RYR3: variants seen among roughly 807,000 people sequenced by gnomAD.
RYR3 encodes brain ryanodine receptor-calcium release channel.
In RYR3, 207 loss-of-function variants were observed where a neutral mutation model predicts 584.3. The ratio of observed to expected loss-of-function variants is 0.35; its 90% CI spans 0.32 to 0.40. The LOEUF (loss-of-function observed/expected upper bound fraction) is 0.40. Among genes scored for constraint, RYR3 ranks in the 10% least tolerant of loss-of-function variants. The pLI is 1.00. For missense variants in RYR3, 5,616 were observed against 6,089.2 expected (o/e 0.92, Z 2.59); for synonymous variants, 2,416 against 2,248.5 (o/e 1.07, Z -2.11).
intron 64 of RYR3, among the ~76,000 whole-genome samples, chr15:33,774,742 T>A (rs1390743111): frequency 6.6e-6 from 1 of 152,228 alleles, no homozygotes; most frequent in East Asian, 1.9e-4. Context: ...TTCCTTACTG[T>A]TTTACATAAA....
chr15:33,420,027 G>T (rs767210496), intron 1 of RYR3, among the ~76,000 whole-genome samples: 1 of 152,162 alleles, frequency 6.6e-6, no homozygotes, highest in Non-Finnish European at 1.5e-5. Flanking sequence ...CTCTCCACCA[G>T]CAGAATTAAA....
chr15:33,567,151 T>A (rs1043679280), intron 12 of RYR3, among the ~76,000 whole-genome samples: 2 of 152,160 alleles, frequency 1.3e-5, no homozygotes, highest in Non-Finnish European at 2.9e-5. Context: ...CACTCCCCCA[T>A]GTGTTATGTA....
intron 1 of RYR3, among the ~76,000 whole-genome samples, chr15:33,346,162 G>C (rs1246590261): frequency 6.6e-6 from 1 of 152,176 alleles, no homozygotes; most frequent in Non-Finnish European, 1.5e-5. Flanking sequence ...AGAGGTGACA[G>C]GTGATTCTTG....
At chr15:33,765,645 A>G (rs1422516009) in intron 60 of RYR3, among the ~76,000 whole-genome samples, 2 of 151,304 alleles carry the variant, frequency 1.3e-5, no homozygotes, top group African/African-American at 4.8e-5. Context: ...AAAAAAAAAA[A>G]AAAAAAAAAA....
At chr15:33,765,024 T>C (rs1283025774) in intron 60 of RYR3, among the ~76,000 whole-genome samples, 44 of 76,418 alleles carry the variant, frequency 5.8e-4, no homozygotes, top group Non-Finnish European at 8.4e-4. Context: ...GAGCAAGACT[T>C]CGTCTCAAAA....
intron 1 of RYR3, among the ~76,000 whole-genome samples, chr15:33,313,986 G>A (rs958105588): frequency 1.3e-5 from 2 of 152,194 alleles, no homozygotes; most frequent in African/African-American, 4.8e-5. Context: ...TGTGTGTGGT[G>A]TGGCTTTAGA....
intron 2 of RYR3, among the ~76,000 whole-genome samples, chr15:33,495,391 A>T (rs767814792): frequency 3.9e-5 from 6 of 152,196 alleles, no homozygotes; most frequent in Non-Finnish European, 1.5e-5. Flanking sequence ...TGTTCATCCC[A>T]GCGGTGTGAT....
At chr15:33,700,738 T>C (rs16957612) in intron 41 of RYR3, among the ~76,000 whole-genome samples, 2,106 of 152,278 alleles carry the variant, frequency 0.014, 52 homozygotes, top group African/African-American at 0.048. Context: ...ATGGTCCCGG[T>C]TGGTAGTGTG....
chr15:33,596,399 C>G (rs2059370826), intron 16 of RYR3, among the ~76,000 whole-genome samples: 1 of 150,420 alleles, frequency 6.6e-6, no homozygotes, highest in Non-Finnish European at 1.5e-5. Flanking sequence ...AAAACTGTGA[C>G]AGTCATTATT....
At chr15:33,747,376 CTTTTTTT>C (rs34350928) in intron 53 of RYR3, among the ~76,000 whole-genome samples, 2 of 95,080 alleles carry the variant, frequency 2.1e-5, no homozygotes. Flanking sequence ...AAAGAGAAAT[CTTTTTTT>C]TTTTTTTTTT....
chr15:33,660,149 T>G (rs1002007355), intron 33 of RYR3, 48 bp from the exon 34 acceptor site: 1 of 1,333,136 alleles, frequency 7.5e-7, no homozygotes, highest in African/African-American at 1.5e-5. Context: ...GGGTGCGTCA[T>G]CCAGCAACTG....
chr15:33,773,649 G>T, intron 64 of RYR3, 34 bp downstream of exon 64: 1 of 1,390,702 alleles, frequency 7.2e-7, no homozygotes, highest in South Asian at 1.2e-5. Context: ...ACACTTTCAG[G>T]CATAGTAAAA....
At chr15:33,462,900 C>T (rs1244139687) in intron 1 of RYR3, among the ~76,000 whole-genome samples, 1 of 152,060 alleles carries the variant, frequency 6.6e-6, no homozygotes, top group East Asian at 1.9e-4. Flanking sequence ...AGGTTCAGGT[C>T]AGGTGTGGTG....
intron 27 of RYR3, among the ~76,000 whole-genome samples, chr15:33,640,332 C>T (rs560989847): frequency 5.3e-5 from 8 of 152,266 alleles, no homozygotes; most frequent in African/African-American, 1.9e-4. Context: ...TTCTACAAGG[C>T]TTGTGACCAT....
chr15:33,511,193 T>TGA (rs1425858110), intron 3 of RYR3, among the ~76,000 whole-genome samples: 1 of 152,136 alleles, frequency 6.6e-6, no homozygotes, highest in African/African-American at 2.4e-5. Context: ...CATTGCTTGC[T>TGA]TATAGTTTGT....
intron 38 of RYR3, among the ~76,000 whole-genome samples, 181 bp from the exon 39 acceptor site, chr15:33,696,037 C>A (rs1177047027): frequency 6.8e-6 from 1 of 146,196 alleles, no homozygotes; most frequent in Non-Finnish European, 1.5e-5. Flanking sequence ...TCAAGAAATC[C>A]TTCAGCCTCA....
intron 1 of RYR3, among the ~76,000 whole-genome samples, chr15:33,441,304 C>T (rs2046212519): frequency 1.3e-5 from 2 of 152,178 alleles, no homozygotes; most frequent in South Asian, 4.2e-4. Context: ...TAACTAATGT[C>T]ACTTTGATTA....
Position 33,785,777 on chromosome 15 carries a change from C to T in RYR3, c.9384C>T (p.Pro3128=). 6.2e-7 allele frequency: 1 copy of T among 1,613,934 alleles called. No individual in the cohort carries two copies. The highest frequency in any genetic ancestry group is 8.5e-7 in the Non-Finnish European group (1 of 1,179,868). ...AESGARYTEM[P]HVIEVILPML... ...CAGGGGCCCGGTACACAGAGATGCC[C>T]CATGTCATCGAGGTGATCTTACCCA... Residue 3128 remains proline (P), a synonymous_variant, in exon 66 of 104, where the codon CCC becomes CCT. Coordinates refer to ENST00000634891, the MANE Select transcript of RYR3 (RefSeq NM_001036.6).
chr15:33,502,122 G>C (rs2052041894), intron 2 of RYR3, among the ~76,000 whole-genome samples: 1 of 152,134 alleles, frequency 6.6e-6, no homozygotes, highest in Non-Finnish European at 1.5e-5. Flanking sequence ...ACGTCACCCA[G>C]AGCCAGTAGC....
Sources: allele counts gnomAD v4.1 joint callset (sites outside exome capture counted in the v4.1 genomes callset), GRCh38; gene constraint gnomAD v4.1.1; transcripts MANE v1.5; gene names NCBI Gene and HGNC (gene_info 2026-07-23, HGNC 2026-07-21).